The following PTPRN2 variants were observed in gnomAD, a reference collection of about 807,000 sequenced individuals.
The protein encoded by PTPRN2 is receptor-type tyrosine-protein phosphatase N2.
Under a neutral mutation model 118.8 loss-of-function variants are expected in PTPRN2, and 74 were observed. The observed-to-expected ratio is 0.62, with a 90% CI of 0.52 to 0.76. PTPRN2 has a LOEUF of 0.76. PTPRN2 is among the 30% of genes least tolerant of loss of function. The pLI, the probability that PTPRN2 is intolerant of heterozygous loss-of-function variation, is 0.00. For synonymous variants in PTPRN2, 641 were observed against 608.0 expected (o/e 1.05, Z -0.80); for missense variants, 1,481 against 1,394.4 (o/e 1.06, Z -0.99).
At position 157,802,179 on chromosome 7, in the gene PTPRN2, C is replaced by G. The variant is rs573774626; in HGVS notation, c.1788+96494G>C. On this transcript the variant is annotated intron_variant, in intron 12 of 22. Transcript: ENST00000389418. ...TGGCTCTCAACCGTACGGCAGATGT[C>G]GAGACCGCGTTGAGGCCGCGTCGCT... is the stretch of plus-strand genomic sequence containing the variant. Among the ~76,000 whole-genome samples, 6 of 152,310 alleles carry G rather than the reference C, an allele frequency of 3.9e-5. No homozygotes were observed. In the South Asian group the frequency reaches 1.2e-3, roughly 32 times the overall value.
At chr7:158,260,122 G>A (rs144672319) in intron 3 of PTPRN2, among the ~76,000 whole-genome samples, 59 of 152,302 alleles carry the variant, frequency 3.9e-4, no homozygotes, top group African/African-American at 1.4e-3. Context: ...GAACCAGAAC[G>A]CCTGCATGCC....
chr7:158,389,246 G>A (rs1811738457), intron 2 of PTPRN2, among the ~76,000 whole-genome samples: 1 of 152,254 alleles, frequency 6.6e-6, no homozygotes, highest in African/African-American at 2.4e-5. Context: ...CGACACACCT[G>A]CTGTACATAA....
chr7:158,553,267 A>C (rs1826780809), intron 1 of PTPRN2, among the ~76,000 whole-genome samples: 1 of 149,666 alleles, frequency 6.7e-6, no homozygotes, highest in African/African-American at 2.5e-5. Flanking sequence ...CAGGCTTGGG[A>C]GTCTACACCA....
Position 158,227,831 on chromosome 7 carries a change from A to G in PTPRN2, c.278-22558T>C, listed in dbSNP as rs139963337. On this transcript the variant is annotated intron_variant, in intron 3 of 22. Coordinates refer to ENST00000389418, the MANE Select transcript of PTPRN2 (RefSeq NM_002847.5). ...GGGATCAGGTGGGCTCTCCTTCCCA[A>G]TCAGAGAAGACAGGGTCATAGTTCC... Among the ~76,000 whole-genome samples the G allele has an allele frequency of 2.8e-3, 428 of 152,324 alleles. 5 individuals carry two copies. The highest frequency in any genetic ancestry group is 9.9e-3 in the African/African-American group (411 of 41,582).
chr7:157,776,268 C>G (rs1803228974), intron 12 of PTPRN2, among the ~76,000 whole-genome samples: 1 of 143,872 alleles, frequency 7.0e-6, no homozygotes, highest in East Asian at 2.1e-4. Flanking sequence ...CCTCCCTCCT[C>G]TTCCTCTTCA....
chr7:157,587,980 G>A lies in PTPRN2; in HGVS notation c.2496+7258C>T, dbSNP rs976507846. ...TGGCTGTCCCCGTGCCTGGGCTCCC[G>A]CGGTGGCTGTCCCCGTGCCTGGGCT... On this transcript the variant is annotated intron_variant, in intron 17 of 22. Coordinates refer to ENST00000389418, the MANE Select transcript of PTPRN2 (RefSeq NM_002847.5). This position sits in a 1 kb window ranked among gnomAD's most constrained non-coding sequence, Gnocchi z 5.3. Among the ~76,000 whole-genome samples the A allele has an allele frequency of 6.1e-5, 9 of 148,604 alleles. No homozygotes were observed. Among genetic ancestry groups the A allele is most frequent in the East Asian group, 2.0e-4 (1 of 5,014 alleles).
intron 6 of PTPRN2, among the ~76,000 whole-genome samples, chr7:158,157,616 G>A (rs1405752582): frequency 1.3e-5 from 2 of 152,232 alleles, no homozygotes; most frequent in East Asian, 1.9e-4. Flanking sequence ...ACGCAGGTCC[G>A]AGGCTGCCAG....
At chr7:158,433,903 A>T (rs979252087) in intron 2 of PTPRN2, among the ~76,000 whole-genome samples, 8 of 152,178 alleles carry the variant, frequency 5.3e-5, no homozygotes, top group Non-Finnish European at 1.2e-4. Context: ...AGTTCAGTTC[A>T]CAATATTTTC....
At chr7:158,467,979 G>T (rs1819513356) in intron 2 of PTPRN2, among the ~76,000 whole-genome samples, 1 of 152,148 alleles carries the variant, frequency 6.6e-6, no homozygotes, top group African/African-American at 2.4e-5. Context: ...GCTAGTCTAG[G>T]ATGCAACTGG....
chr7:158,361,601 G>C (rs34484917), intron 2 of PTPRN2, among the ~76,000 whole-genome samples: 298 of 152,334 alleles, frequency 2.0e-3, no homozygotes, highest in Non-Finnish European at 3.5e-3. Context: ...AGAGAGCTGA[G>C]CCACAGACGA....
chr7:157,540,811 G>A (rs755314303), intron 22 of PTPRN2, 26 bp from the exon 23 acceptor site: 2 of 1,532,658 alleles, frequency 1.3e-6, no homozygotes, highest in Non-Finnish European at 1.8e-6. Context: ...CGAGAGAAGT[G>A]CCAATGAGAG....
Position 158,509,197 on chromosome 7 carries a change from C to A in PTPRN2, c.113-19412G>T, listed in dbSNP as rs77355478. Among the ~76,000 whole-genome samples, 28,309 of 152,064 alleles carry A rather than the reference C, an allele frequency of 0.19. 3,081 individuals are homozygous for A. The highest frequency in any genetic ancestry group is 0.39 in the East Asian group (1,994 of 5,138). On this transcript the variant is annotated intron_variant, in intron 1 of 22. Transcript: ENST00000389418. This position sits in a 1 kb window ranked among gnomAD's most constrained non-coding sequence, Gnocchi z 4.4. ...GCAGCCTCCACCCAGCAGGCGGGAC[C>A]AGTGGACAGGCTGCAGCTCACAGGG...
intron 22 of PTPRN2, among the ~76,000 whole-genome samples, chr7:157,544,683 C>T (rs1278746499): frequency 6.6e-6 from 1 of 152,156 alleles, no homozygotes. Context: ...TGTTAAGGTC[C>T]TTGGTGAAAT....
rs1389209118 is a variant in PTPRN2 at position 157,622,469 on chromosome 7, T to C, written c.2197-960A>G. Among the ~76,000 whole-genome samples, 1 of 151,978 alleles carries C rather than the reference T, an allele frequency of 6.6e-6. No individual in the cohort carries two copies. The highest frequency in any genetic ancestry group is 2.4e-5 in the African/African-American group (1 of 41,398). On this transcript the variant is annotated intron_variant, in intron 14 of 22. Transcript: ENST00000389418. The surrounding 1 kb of genome is among the most constrained non-coding windows in gnomAD (Gnocchi z 5.3). ...CGATTGATCCGAGGAGCTGGGATGG[T>C]CCCTCCCTGCCCACTGGGGCCCGTT...
intron 12 of PTPRN2, among the ~76,000 whole-genome samples, chr7:157,843,039 C>A (rs569527424): frequency 6.6e-6 from 1 of 152,272 alleles, no homozygotes; most frequent in East Asian, 1.9e-4. Flanking sequence ...GTGAAAACCA[C>A]GACTTTTCCC....
intron 5 of PTPRN2, among the ~76,000 whole-genome samples, chr7:158,170,149 C>T (rs572531586): frequency 3.3e-5 from 5 of 152,284 alleles, no homozygotes; most frequent in South Asian, 2.1e-4. Flanking sequence ...AGAGCGAGAG[C>T]GAGCGAGCGA....
At chr7:157,677,836 C>A (rs1382118209) in intron 13 of PTPRN2, among the ~76,000 whole-genome samples, 1 of 152,236 alleles carries the variant, frequency 6.6e-6, no homozygotes, top group Non-Finnish European at 1.5e-5. Flanking sequence ...AACCATTTAG[C>A]ATTTGCTGAT....
In PTPRN2 at chr7:157,540,793, G is replaced by T. The variant is rs1349838978; in HGVS notation, c.2977-8C>A. ...CGCGAACTCAAACTGCTCCTGCAGG[G>T]CGAGAAACGAGAGAAGTGCCAATGA... On this transcript the variant is annotated splice_polypyrimidine_tract_variant and splice_region_variant and intron_variant, in intron 22 of 22. Coordinates refer to ENST00000389418, the MANE Select transcript of PTPRN2 (RefSeq NM_002847.5). 3 of 1,556,424 alleles carry T rather than the reference G, an allele frequency of 1.9e-6. No individual in the cohort carries two copies. Among genetic ancestry groups the T allele is most frequent in the African/African-American group, 2.7e-5 (2 of 73,336 alleles).
chr7:158,105,255 C>T (rs554958957), intron 10 of PTPRN2, among the ~76,000 whole-genome samples: 2 of 150,390 alleles, frequency 1.3e-5, no homozygotes, highest in Admixed American at 6.6e-5. Flanking sequence ...CCACCCTCAG[C>T]TCCATCCCAA....
Sources: allele counts gnomAD v4.1 joint callset (sites outside exome capture counted in the v4.1 genomes callset), GRCh38; gene constraint gnomAD v4.1.1; non-coding constraint Gnocchi (gnomAD v3.1); transcripts MANE v1.5; gene names NCBI Gene and HGNC (gene_info 2026-07-23, HGNC 2026-07-21).